The following PLCG2 variants were observed in gnomAD, a reference collection of about 807,000 sequenced individuals.
The protein encoded by PLCG2 is phospholipase C gamma 2, also known as 1-phosphatidylinositol 4,5-bisphosphate phosphodiesterase gamma-2.
PLCG2 carries 69 observed loss-of-function variants against 175.6 expected under a neutral mutation model. The observed-to-expected ratio is 0.39, with a 90% CI of 0.32 to 0.48. The LOEUF is 0.48. Ranked by LOEUF, PLCG2 falls within the 20% of genes least tolerant of loss-of-function variation. The pLI is 0.91. For missense variants in PLCG2, 1,798 were observed against 1,650.9 expected, an observed-to-expected ratio of 1.09 and a Z score of -1.54; for synonymous variants, 827 against 624.0, an observed-to-expected ratio of 1.33 and a Z score of -4.85.
intron 2 of PLCG2, among the ~76,000 whole-genome samples, chr16:81,827,778 A>C (rs7499275): frequency 0.39 from 59,456 of 151,726 alleles, 12,420 homozygotes; most frequent in African/African-American, 0.55. Flanking sequence ...GTTACTGTGA[A>C]ATCTCCTCAT....
chr16:81,835,627 T>C (rs777620521), intron 2 of PLCG2, among the ~76,000 whole-genome samples: 9 of 152,022 alleles, frequency 5.9e-5, no homozygotes, highest in Non-Finnish European at 1.2e-4. Context: ...TAATTGAAGA[T>C]AATAGGAAAA....
At chr16:81,745,482 A>G (rs935063187) in intron 1 of PLCG2, among the ~76,000 whole-genome samples, 1 of 152,210 alleles carries the variant, frequency 6.6e-6, no homozygotes. Context: ...TTAACAACCG[A>G]GATAACATGG....
intron 31 of PLCG2, among the ~76,000 whole-genome samples, chr16:81,953,743 A>G (rs965295947): frequency 1.8e-4 from 27 of 152,262 alleles, no homozygotes; most frequent in African/African-American, 6.3e-4. Flanking sequence ...AACTGTTTCT[A>G]TCTTTTACGT....
chr16:81,778,068 AAACACACACAC>A (rs140696241), upstream of PLCG2, among the ~76,000 whole-genome samples: 430 of 54,120 alleles, frequency 7.9e-3, 80 homozygotes, highest in Middle Eastern at 0.016. Flanking sequence ...AAAAAACCAA[AAACACACACAC>A]ACAAAAAAAA....
intron 22 of PLCG2, among the ~76,000 whole-genome samples, chr16:81,924,140 G>T (rs1188374215): frequency 6.6e-6 from 1 of 152,256 alleles, no homozygotes; most frequent in Non-Finnish European, 1.5e-5. Flanking sequence ...AAAGGTACCT[G>T]GGTATGCTAG....
At chr16:81,866,944 C>A (rs1470717315) in intron 5 of PLCG2, among the ~76,000 whole-genome samples, 1 of 152,272 alleles carries the variant, frequency 6.6e-6, no homozygotes, top group Non-Finnish European at 1.5e-5. Flanking sequence ...ACTTCCCTAG[C>A]CTGCTGGCCG....
chr16:81,907,792 C>A lies in PLCG2; in HGVS notation c.1557+18C>A. On this transcript the variant is annotated intron_variant, in intron 16 of 32. Coordinates refer to ENST00000564138, the MANE Select transcript of PLCG2 (RefSeq NM_002661.5). ...TGCCCCAGGTAGGGGGACACCCTAG[C>A]CACATAGGGAGGAGGTCCCCAGGAA... 2 of 1,589,342 alleles carry A rather than the reference C, an allele frequency of 1.3e-6. No individual in the cohort carries two copies. The highest frequency in any genetic ancestry group is 8.6e-7 in the Non-Finnish European group (1 of 1,159,294).
intron 24 of PLCG2, 42 bp from the exon 25 acceptor site, chr16:81,931,455 C>T (rs1217516858): frequency 6.2e-7 from 1 of 1,600,556 alleles, no homozygotes; most frequent in African/African-American, 1.3e-5. Context: ...TTGTGGCCCT[C>T]TAATAGGCTG....
At position 81,793,277 on chromosome 16, in the gene PLCG2, G is replaced by A. The variant is rs55637504; in HGVS notation, c.193+7095G>A. On this transcript the variant is annotated intron_variant, in intron 2 of 32. Transcript: ENST00000564138. Reference sequence around the variant, plus strand: ...ATGTCGGGAGGGAGCTTGTGGTACTGTTGGGCATGTTGGTTTTCTTTCCTT... The same window carrying A: ...ATGTCGGGAGGGAGCTTGTGGTACTATTGGGCATGTTGGTTTTCTTTCCTT... Among the ~76,000 whole-genome samples the A allele has an allele frequency of 8.2e-3, 1,247 of 152,348 alleles. 21 individuals carry two copies. Among genetic ancestry groups the A allele is most frequent in the African/African-American group, 0.028 (1,177 of 41,586 alleles).
At chr16:81,921,579 T>A in intron 21 of PLCG2, 1 of 388,538 alleles carries the variant, frequency 2.6e-6, no homozygotes, top group East Asian at 6.2e-5. Flanking sequence ...TGACAGAGCC[T>A]GTGGTGTTTA....
intron 27 of PLCG2, 72 bp from the exon 28 acceptor site, chr16:81,937,686 C>T: frequency 1.5e-6 from 2 of 1,374,278 alleles, no homozygotes; most frequent in South Asian, 2.6e-5. Context: ...CATTCCCCAC[C>T]TAGAAACTCC....
intron 6 of PLCG2, among the ~76,000 whole-genome samples, 165 bp from the exon 7 acceptor site, chr16:81,870,687 C>T (rs143372180): frequency 2.6e-4 from 40 of 152,140 alleles, no homozygotes; most frequent in African/African-American, 8.9e-4. Context: ...ATGACTTTTT[C>T]CTTTCAAAAG....
At chr16:81,926,605 C>T (rs1910285604) in intron 22 of PLCG2, among the ~76,000 whole-genome samples, 1 of 152,132 alleles carries the variant, frequency 6.6e-6, no homozygotes, top group Admixed American at 6.5e-5. Flanking sequence ...ATTTAGAGTC[C>T]TAATAAAACC....
intron 18 of PLCG2, among the ~76,000 whole-genome samples, chr16:81,911,073 A>G (rs1909600468): frequency 6.6e-6 from 1 of 152,164 alleles, no homozygotes. Context: ...GGAAACAATG[A>G]TTATAAGAGT....
chr16:81,957,866 C>A, intron 32 of PLCG2, 90 bp from the exon 33 acceptor site: 1 of 1,172,614 alleles, frequency 8.5e-7, no homozygotes, highest in Non-Finnish European at 1.3e-6. Context: ...GAATGACTGG[C>A]AAATGTACAG....
At chr16:81,858,061 C>T (rs1906772555) in intron 3 of PLCG2, 1 of 556,580 alleles carries the variant, frequency 1.8e-6, no homozygotes, top group South Asian at 2.4e-5. Context: ...CAAAGCTCAT[C>T]ATGAATGTGT....
intron 20 of PLCG2, among the ~76,000 whole-genome samples, 163 bp downstream of exon 20, chr16:81,919,827 G>C (rs1161521642): frequency 6.6e-6 from 1 of 152,198 alleles, no homozygotes; most frequent in Admixed American, 6.5e-5. Flanking sequence ...CCGTTGTGCT[G>C]CTTATAGTGT....
At chr16:81,868,465 G>A (rs1275632666) in intron 5 of PLCG2, among the ~76,000 whole-genome samples, 1 of 152,146 alleles carries the variant, frequency 6.6e-6, no homozygotes, top group Non-Finnish European at 1.5e-5. Context: ...AATTCAGCTG[G>A]GTCTTTCCTG....
At chr16:81,807,716 A>G (rs1191637410) in intron 2 of PLCG2, among the ~76,000 whole-genome samples, 1 of 152,210 alleles carries the variant, frequency 6.6e-6, no homozygotes, top group African/African-American at 2.4e-5. Flanking sequence ...AGACTGGGTA[A>G]TATAAAAAGG....
Sources: allele counts gnomAD v4.1 joint callset (sites outside exome capture counted in the v4.1 genomes callset), GRCh38; gene constraint gnomAD v4.1.1; transcripts MANE v1.5; gene names NCBI Gene and HGNC (gene_info 2026-07-23, HGNC 2026-07-21).